PHF21B: variants seen among roughly 807,000 people sequenced by gnomAD.
PHF21B encodes the protein PHD finger protein 4.
In PHF21B, 22 loss-of-function variants were observed where a neutral mutation model predicts 62.2. The ratio of observed to expected loss-of-function variants is 0.35; its 90% CI spans 0.25 to 0.51. The LOEUF is 0.51. Among genes scored for constraint, PHF21B ranks in the 20% least tolerant of loss-of-function variants. The probability of loss-of-function intolerance (pLI) is 0.97; values close to 1 mark genes in which losing one functional copy is unlikely to be tolerated. For synonymous variants in PHF21B, 341 were observed against 314.7 expected (o/e 1.08, Z -0.88); for missense variants, 701 against 707.9 (o/e 0.99, Z 0.11).
chr22:44,896,689 G>A (rs750307639), intron 5 of PHF21B, among the ~76,000 whole-genome samples: 6 of 152,056 alleles, frequency 3.9e-5, no homozygotes, highest in Non-Finnish European at 5.9e-5. Flanking sequence ...CCCATAAGTT[G>A]CATCTCTTCT....
At chr22:45,001,947 G>C (rs944183538) in intron 2 of PHF21B, 1 of 152,220 alleles carries the variant, frequency 6.6e-6, no homozygotes, top group African/African-American at 2.4e-5. Context: ...ATTCAAACTT[G>C]TACTGCCATT....
At chr22:44,994,571 G>A (rs1056843613) in intron 2 of PHF21B, among the ~76,000 whole-genome samples, 2 of 152,242 alleles carry the variant, frequency 1.3e-5, no homozygotes, top group Non-Finnish European at 2.9e-5. Flanking sequence ...TGCCCAGCTC[G>A]TGGGGATCAG....
intron 2 of PHF21B, among the ~76,000 whole-genome samples, chr22:44,988,527 G>A (rs1287683388): frequency 1.3e-5 from 2 of 152,134 alleles, no homozygotes; most frequent in African/African-American, 2.4e-5. Flanking sequence ...CATCTTAGCT[G>A]CATGTGAAAA....
At chr22:44,989,422 C>G (rs111588194) in intron 2 of PHF21B, 1 of 152,060 alleles carries the variant, frequency 6.6e-6, no homozygotes, top group African/African-American at 2.4e-5. Flanking sequence ...GTGAATCCAA[C>G]GGGTTAATGT....
intron 2 of PHF21B, among the ~76,000 whole-genome samples, chr22:45,000,348 T>A (rs1481395649): frequency 6.6e-6 from 1 of 151,862 alleles, no homozygotes; most frequent in African/African-American, 2.4e-5. Context: ...CCTCGGCTGC[T>A]GAAGAAGGAG....
chr22:44,966,245 C>T (rs2072522489), intron 2 of PHF21B, among the ~76,000 whole-genome samples: 1 of 152,260 alleles, frequency 6.6e-6, no homozygotes, highest in South Asian at 2.1e-4. Context: ...CCGGGGACGT[C>T]CCCAACCACG....
intron 2 of PHF21B, among the ~76,000 whole-genome samples, chr22:44,927,248 G>C (rs1399219663): frequency 6.6e-6 from 1 of 151,488 alleles, no homozygotes; most frequent in Non-Finnish European, 1.5e-5. Flanking sequence ...ACCCGCAGGA[G>C]GCCGGCAACA....
chr22:44,902,472 C>G (rs936506820), intron 5 of PHF21B: 1 of 170,078 alleles, frequency 5.9e-6, no homozygotes, highest in Non-Finnish European at 1.3e-5. Flanking sequence ...AATAAAATAA[C>G]TATTTTTTGA....
chr22:44,929,518 C>A (rs898762376), intron 2 of PHF21B, among the ~76,000 whole-genome samples: 2 of 152,212 alleles, frequency 1.3e-5, no homozygotes, highest in African/African-American at 2.4e-5. Context: ...TACCACCATG[C>A]CCGGTGCACC....
chr22:44,927,459 T>A (rs1478471225), intron 2 of PHF21B, among the ~76,000 whole-genome samples: 1 of 152,022 alleles, frequency 6.6e-6, no homozygotes, highest in Non-Finnish European at 1.5e-5. Flanking sequence ...GGAGAGACGA[T>A]TCTGAGTCAA....
chr22:44,959,791 G>A (rs1202034911), intron 2 of PHF21B, among the ~76,000 whole-genome samples: 1 of 152,222 alleles, frequency 6.6e-6, no homozygotes, highest in African/African-American at 2.4e-5. Flanking sequence ...TATCCCAGGA[G>A]ATGAAATGGC....
intron 3 of PHF21B, among the ~76,000 whole-genome samples, chr22:44,917,368 C>T (rs1427027091): frequency 6.6e-6 from 1 of 152,124 alleles, no homozygotes; most frequent in African/African-American, 2.4e-5. Flanking sequence ...TGACTGAGGG[C>T]TGTCACCAGC....
chr22:44,992,866 C>G (rs1038353718), intron 2 of PHF21B, among the ~76,000 whole-genome samples: 1 of 152,212 alleles, frequency 6.6e-6, no homozygotes, highest in Non-Finnish European at 1.5e-5. Context: ...CCAGCTCTCC[C>G]TGGTTTTCTT....
At position 44,882,906 on chromosome 22, in the gene PHF21B, G is replaced by A. The variant is rs1401732101; in HGVS notation, c.*180C>T. On this transcript the variant is annotated 3_prime_UTR_variant, in exon 13 of 13. Coordinates refer to ENST00000313237, the MANE Select transcript of PHF21B (RefSeq NM_138415.5). The stretch of plus-strand genomic sequence containing the variant: ...CTGTGAATTTGGAGGGCACAGGGCC[G>A]CACCCCCACCTGGTCCTGGCTCTAG... The A allele has an allele frequency of 2.3e-5, 17 of 728,004 alleles. No homozygotes were observed. The highest frequency in any genetic ancestry group is 1.1e-4 in the African/African-American group (6 of 55,700). 45.1% of individuals were successfully genotyped at this position (728,004 alleles called of 1,614,324 possible). A position where few individuals can be genotyped will look rare whatever the true frequency, so the allele number is the denominator to read the frequency against.
At chr22:44,888,672 G>A (rs1041412705) in intron 9 of PHF21B, among the ~76,000 whole-genome samples, 2 of 152,352 alleles carry the variant, frequency 1.3e-5, no homozygotes, top group African/African-American at 2.4e-5. Context: ...TTCAGAGTTG[G>A]AAAAGACCAG....
chr22:44,966,387 A>G (rs2072525991), intron 2 of PHF21B, among the ~76,000 whole-genome samples: 1 of 152,196 alleles, frequency 6.6e-6, no homozygotes, highest in African/African-American at 2.4e-5. Context: ...CAAAGCAGAC[A>G]AGCTGGGCCC....
At chr22:44,997,124 T>C (rs1302781627) in intron 2 of PHF21B, among the ~76,000 whole-genome samples, 3 of 152,168 alleles carry the variant, frequency 2.0e-5, no homozygotes, top group Non-Finnish European at 4.4e-5. Flanking sequence ...CATCCTCATC[T>C]GGTCACACCC....
Position 44,905,777 on chromosome 22 carries a change from C to T in PHF21B, c.831+8045G>A, listed in dbSNP as rs142822450. Among the ~76,000 whole-genome samples the T allele has an allele frequency of 6.8e-3, 1,035 of 152,256 alleles. 15 individuals are homozygous for T. The highest frequency in any genetic ancestry group is 0.024 in the African/African-American group (990 of 41,546). On this transcript the variant is annotated intron_variant, in intron 5 of 12. Transcript: ENST00000313237. Reference sequence around the variant, plus strand: ...CTGAGTAGCTGGGACTACAGGCACCCGCCACCAGGCCTGGCTAATTTTTTG... The same window carrying T: ...CTGAGTAGCTGGGACTACAGGCACCTGCCACCAGGCCTGGCTAATTTTTTG...
At chr22:44,960,418 C>T (rs560762199) in intron 2 of PHF21B, among the ~76,000 whole-genome samples, 1 of 152,348 alleles carries the variant, frequency 6.6e-6, no homozygotes, top group African/African-American at 2.4e-5. Context: ...CCCTCAACGA[C>T]TATGGTCACC....
Sources: gnomAD v4.1 joint callset for allele counts (sites outside exome capture counted in the v4.1 genomes callset) on GRCh38, gnomAD v4.1.1 for gene constraint, MANE v1.5 for transcripts, NCBI Gene and HGNC (gene_info 2026-07-23, HGNC 2026-07-21) for gene names.